Variants in FANCE observed in about 807,000 individuals in gnomAD.
FANCE encodes the protein FA complementation group E.
A neutral mutation model predicts 57.8 loss-of-function variants in FANCE; 42 were observed. The ratio of observed to expected loss-of-function variants is 0.73; its 90% confidence interval spans 0.57 to 0.94. The LOEUF is 0.94. FANCE is among the 40% of genes least tolerant of loss of function. The pLI is 0.00. For synonymous variants in FANCE, 251 were observed against 286.4 expected, an observed-to-expected ratio of 0.88 and a Z score of 1.25; for missense variants, 608 against 661.8, an observed-to-expected ratio of 0.92 and a Z score of 0.89.
Position 35,458,249 on chromosome 6 carries a change from C to T in FANCE, c.970-48C>T, listed in dbSNP as rs577613731. The T allele has an allele frequency of 6.8e-6, 11 of 1,608,458 alleles. No homozygotes were observed. The African/African-American group carries it at 1.3e-4, about 20-fold the overall frequency. ...GTTGCTTGAGACAGCCTAGCAGAGGCAGAGTGCATGTCCCGGTGTCCTCTC... is the reference window on the plus strand; with the variant it reads ...GTTGCTTGAGACAGCCTAGCAGAGGTAGAGTGCATGTCCCGGTGTCCTCTC... On this transcript the variant is annotated intron_variant, in intron 4 of 9. Transcript: ENST00000229769.
At chr6:35,454,749 C>T (rs920828452) in intron 1 of FANCE, among the ~76,000 whole-genome samples, 3 of 152,256 alleles carry the variant, frequency 2.0e-5, no homozygotes, top group African/African-American at 4.8e-5. Context: ...CCTCATCCCC[C>T]GTCTTTCCCC....
In FANCE at chr6:35,457,439, A is replaced by G. The variant is rs1767390025; in HGVS notation, c.856-117A>G. 7.8e-6 allele frequency: 9 copies of G among 1,148,946 alleles called. No individual in the cohort carries two copies. The East Asian group carries it at 1.7e-4, about 22-fold the overall frequency. The allele number at this position is 1,148,946 out of a possible 1,614,324, so 71.2% of individuals were successfully genotyped here. A position where few individuals can be genotyped will look rare whatever the true frequency, so the allele number is the denominator to read the frequency against. ...CTTGGCCTCTTGACTTTCTTGAATC[A>G]TCTTTGCCAGCTAGCTCCCACTGAC... On this transcript the variant is annotated intron_variant, in intron 2 of 9. Transcript: ENST00000229769.
At chr6:35,463,730 C>A (rs1030285239) in intron 9 of FANCE, among the ~76,000 whole-genome samples, 1 of 149,678 alleles carries the variant, frequency 6.7e-6, no homozygotes, top group Non-Finnish European at 1.5e-5. Context: ...GGCATGATCT[C>A]GGCTCACTGC....
chr6:35,458,248 G>A (rs1469368484), intron 4 of FANCE, 49 bp from the exon 5 acceptor site: 1 of 1,607,506 alleles, frequency 6.2e-7, no homozygotes, highest in Non-Finnish European at 8.5e-7. Context: ...CCTAGCAGAG[G>A]CAGAGTGCAT....
At position 35,459,381 on chromosome 6, in the gene FANCE, C is replaced by T. The variant is rs2150896392; in HGVS notation, c.1164C>T (p.Thr388=). The T allele has an allele frequency of 1.2e-6, 2 of 1,614,092 alleles. No homozygotes were observed. Among genetic ancestry groups the T allele is most frequent in the Non-Finnish European group, 1.7e-6 (2 of 1,179,974 alleles). The change falls in exon 6 of 10, where the codon ACC becomes ACT. Residue 388 remains threonine (T), a synonymous_variant. Coordinates refer to ENST00000229769, the MANE Select transcript of FANCE (RefSeq NM_021922.3). ...CCCGCCTGCTTACAACTGCCCTGAC[C>T]TCCTTCTGTGCCAAATATACATACC... ...SASRLLTTAL[T]SFCAKYTYPV... is the part of the protein sequence containing the mutation.
chr6:35,461,541 G>A (rs542418609), intron 8 of FANCE, among the ~76,000 whole-genome samples: 1 of 152,024 alleles, frequency 6.6e-6, no homozygotes, highest in Non-Finnish European at 1.5e-5. Flanking sequence ...CAAACTCAGT[G>A]CCCTGTAGGT....
At chr6:35,458,072 G>A in intron 4 of FANCE, 88 bp downstream of exon 4, 3 of 1,329,422 alleles carry the variant, frequency 2.3e-6, no homozygotes, top group Non-Finnish European at 3.2e-6. Flanking sequence ...TACCTCATGT[G>A]GGAAATGTGG....
Position 35,460,567 on chromosome 6 carries a change from G to T in FANCE, c.1332G>T (p.Leu444=), listed in dbSNP as rs534777587. 1.2e-6 allele frequency: 2 copies of T among 1,614,108 alleles called. No homozygotes were observed. The highest frequency in any genetic ancestry group is 1.7e-6 in the Non-Finnish European group (2 of 1,179,988). ...TGCTTTGCAGACAGATCTTGGAGCT[G>T]CCCTGGAAGGAGGAAACTTTCTTGG... is the stretch of plus-strand genomic sequence containing the variant. ...QVLMLGQILE[L]PWKEETFLVL... The change falls in exon 8 of 10, where the codon CTG becomes CTT. Residue 444 remains leucine (L), a synonymous_variant. Coordinates refer to ENST00000229769, the MANE Select transcript of FANCE (RefSeq NM_021922.3).
chr6:35,454,471 G>C (rs1767244461), intron 1 of FANCE, among the ~76,000 whole-genome samples: 1 of 152,076 alleles, frequency 6.6e-6, no homozygotes, highest in African/African-American at 2.4e-5. Context: ...AAGTGCCTCT[G>C]TGTTGACAAA....
chr6:35,460,716 G>A, intron 8 of FANCE, 98 bp downstream of exon 8: 2 of 1,099,934 alleles, frequency 1.8e-6, no homozygotes, highest in Non-Finnish European at 1.4e-6. Context: ...GTGCATGGAG[G>A]GTCAAGCAGG....
In FANCE at chr6:35,458,413, G is replaced by C. The variant is rs146571065; in HGVS notation, c.1086G>C (p.Val362=). 1.4e-5 allele frequency: 22 copies of C among 1,614,064 alleles called. No homozygotes were observed. The South Asian group carries it at 2.3e-4, about 17-fold the overall frequency. ...ATCTCAGCCTCAGCAATGCTACTGT[G>C]CTGACCAGAAGCCTCTTTCTTGGAC... ...SPDLSLSNAT[V]LTRSLFLGRI... Residue 362 remains valine (V), a synonymous_variant, in exon 5 of 10, where the codon GTG becomes GTC. Coordinates refer to ENST00000229769, the MANE Select transcript of FANCE (RefSeq NM_021922.3).
At chr6:35,465,613 C>T (rs760166767) in intron 9 of FANCE, among the ~76,000 whole-genome samples, 9 of 152,210 alleles carry the variant, frequency 5.9e-5, no homozygotes, top group Non-Finnish European at 1.3e-4. Flanking sequence ...TATGAACATG[C>T]TTCTGTTGCA....
intron 1 of FANCE, among the ~76,000 whole-genome samples, chr6:35,454,747 C>T (rs991415409): frequency 2.0e-5 from 3 of 152,238 alleles, no homozygotes; most frequent in Non-Finnish European, 4.4e-5. Context: ...ATCCTCATCC[C>T]CCGTCTTTCC....
rs1767333195 is a variant in FANCE at position 35,456,170 on chromosome 6, A to G, written c.672A>G (p.Glu224=). 1 of 1,614,078 alleles carries G rather than the reference A, an allele frequency of 6.2e-7. No individual in the cohort carries two copies. Among genetic ancestry groups the G allele is most frequent in the African/African-American group, 1.3e-5 (1 of 74,914 alleles). Residue 224 remains glutamate (E), a synonymous_variant, in exon 2 of 10, where the codon GAA becomes GAG. Coordinates refer to ENST00000229769, the MANE Select transcript of FANCE (RefSeq NM_021922.3). The surrounding 1 kb of genome is among the most constrained non-coding windows in gnomAD (Gnocchi z 4.3). The stretch of plus-strand genomic sequence containing the variant: ...TCCCCAAAAGATTACGGTGTTGGGA[A>G]GAGGAAGAAGATCATGAGAAGGAGA... The part of the protein sequence containing the change: ...KRVPKRLRCW[E]EEEDHEKERP...
In FANCE at chr6:35,456,033, A is replaced by C. The variant is rs751676807; in HGVS notation, c.535A>C (p.Lys179Gln). The C allele has an allele frequency of 6.8e-6, 11 of 1,612,744 alleles. No homozygotes were observed. The highest frequency in any genetic ancestry group is 3.3e-4 in the Middle Eastern group (2 of 6,084). ...RGLGLGGRRL[K>Q]SPQAPDPEEE... ...GCTGGGCCTGGGGGGCAGGAGGTTG[A>C]AATCCCCCCAGGCTCCAGACCCTGA... is the stretch of plus-strand genomic sequence containing the variant. Residue 179 changes from lysine to glutamine, a missense_variant, in exon 2 of 10, where the codon AAA (lysine) becomes CAA (glutamine). By Grantham distance (53) the Lys-to-Gln change is moderately conservative. Coordinates refer to ENST00000229769, the MANE Select transcript of FANCE (RefSeq NM_021922.3). The surrounding 1 kb of genome is among the most constrained non-coding windows in gnomAD (Gnocchi z 4.3).
At chr6:35,454,219 G>A (rs1020182309) in intron 1 of FANCE, among the ~76,000 whole-genome samples, 3 of 151,946 alleles carry the variant, frequency 2.0e-5, no homozygotes, top group Admixed American at 6.6e-5. Flanking sequence ...GTGCCAACAC[G>A]CCCAGCTAAT....
At chr6:35,462,637 T>C (rs967884900) in intron 8 of FANCE, 152 bp from the exon 9 acceptor site, 3 of 847,892 alleles carry the variant, frequency 3.5e-6, no homozygotes, top group Non-Finnish European at 5.7e-6. Flanking sequence ...CCTCATTTTA[T>C]AGATATGGAA....
rs34304743 is a variant in FANCE, at chr6:35,459,404, A to AC, written c.1190dup (p.Val398CysfsTer7). ...ACCTCCTTCTGTGCCAAATATACAT[A>AC]CCCTGTCTGCAGCGCCCTCCTTGAC... On this transcript the variant is annotated frameshift_variant, in exon 6 of 10. Coordinates refer to ENST00000229769, the MANE Select transcript of FANCE (RefSeq NM_021922.3). LOFTEE classifies it high-confidence loss of function. The AC allele has an allele frequency of 6.2e-7, 1 of 1,613,736 alleles. No homozygotes were observed. The highest frequency in any genetic ancestry group is 8.5e-7 in the Non-Finnish European group (1 of 1,179,970).
intron 6 of FANCE, 35 bp from the exon 7 acceptor site, chr6:35,459,647 C>T (rs45571538): frequency 6.2e-6 from 10 of 1,607,060 alleles, no homozygotes; most frequent in East Asian, 2.2e-5. Flanking sequence ...CTGCCATTTC[C>T]CCCCAGACTT....
Sources: gnomAD v4.1 joint callset for allele counts (sites outside exome capture counted in the v4.1 genomes callset) on GRCh38, gnomAD v4.1.1 for gene constraint, Gnocchi (gnomAD v3.1) non-coding constraint, MANE v1.5 for transcripts, NCBI Gene and HGNC (gene_info 2026-07-23, HGNC 2026-07-21) for gene names.